Variants in TBXAS1 observed in about 807,000 individuals in gnomAD.
TBXAS1 encodes the protein thromboxane-A synthase.
Under a neutral mutation model 60.7 loss-of-function variants are expected in TBXAS1, and 48 were observed. The observed-to-expected ratio is 0.79, with a 90% CI of 0.63 to 1.01. TBXAS1 has a LOEUF of 1.01. Among genes scored for constraint, TBXAS1 ranks in the 50% least tolerant of loss-of-function variants. The pLI, the probability that TBXAS1 is intolerant of heterozygous loss-of-function variation, is 0.00. For synonymous variants in TBXAS1, 287 were observed against 269.7 expected (o/e 1.06, Z -0.63); for missense variants, 685 against 686.3 (o/e 1.00, Z 0.02).
intron 5 of TBXAS1, among the ~76,000 whole-genome samples, chr7:139,947,780 C>T (rs745307866): frequency 2.0e-5 from 3 of 152,160 alleles, no homozygotes; most frequent in Non-Finnish European, 1.5e-5. Flanking sequence ...GAAACTTTCT[C>T]CCCTAGCTTG....
At chr7:139,949,331 TA>T (rs1220615363) in intron 5 of TBXAS1, among the ~76,000 whole-genome samples, 1 of 152,258 alleles carries the variant, frequency 6.6e-6, no homozygotes, top group African/African-American at 2.4e-5. Flanking sequence ...TATATGTAGA[TA>T]GATAGACAGA....
At position 139,896,358 on chromosome 7, in the gene TBXAS1, C is replaced by T. The variant is rs761013978; in HGVS notation, c.237-14867C>T. On this transcript the variant is annotated intron_variant, in intron 3 of 12. Transcript: ENST00000448866. This position sits in a 1 kb window ranked among gnomAD's most constrained non-coding sequence, Gnocchi z 4.0. ...TTTTCCAAACTAACAAGAGGGCAGCCGGCACTTTAGAGGGTAAATACTTGC... is the reference window on the plus strand; with the variant it reads ...TTTTCCAAACTAACAAGAGGGCAGCTGGCACTTTAGAGGGTAAATACTTGC... Among the ~76,000 whole-genome samples the T allele has an allele frequency of 3.3e-5, 5 of 152,070 alleles. No homozygotes were observed. The highest frequency in any genetic ancestry group is 1.3e-4 in the Admixed American group (2 of 15,266).
chr7:139,992,159 C>A (rs1380873159), intron 9 of TBXAS1, among the ~76,000 whole-genome samples: 1 of 152,236 alleles, frequency 6.6e-6, no homozygotes, highest in African/African-American at 2.4e-5. Flanking sequence ...GGCCAGCTGG[C>A]AGCCCCCCTT....
At chr7:139,805,774 C>CT (rs1298695543) in intron 4 of TBXAS1, among the ~76,000 whole-genome samples, 54 of 114,918 alleles carry the variant, frequency 4.7e-4, no homozygotes, top group African/African-American at 6.4e-4. Flanking sequence ...TTTCTTTCTT[C>CT]TTTTTTTTTT....
chr7:139,833,944 C>A (rs1169218227), intron 1 of TBXAS1, among the ~76,000 whole-genome samples: 1 of 152,098 alleles, frequency 6.6e-6, no homozygotes, highest in Admixed American at 6.6e-5. Flanking sequence ...TTAAACTATA[C>A]CTTGGAACAA....
chr7:139,957,087 G>T (rs2117344808), intron 7 of TBXAS1, among the ~76,000 whole-genome samples: 1 of 152,364 alleles, frequency 6.6e-6, no homozygotes, highest in Non-Finnish European at 1.5e-5. Flanking sequence ...GGCCCATGCT[G>T]CACCCAGGGG....
rs371594766 is a variant in TBXAS1 at position 139,953,394 on chromosome 7, C to A, written c.477C>A (p.Cys159Ter). 3.7e-6 allele frequency: 6 copies of A among 1,614,110 alleles called. No individual in the cohort carries two copies. Among genetic ancestry groups the A allele is most frequent in the South Asian group, 1.1e-5 (1 of 91,082 alleles). Residue 159 changes from cysteine (C) to a stop codon, truncating the protein, a stop_gained, in exon 6 of 13, where the codon TGC becomes TGA. Transcript: ENST00000448866. LOFTEE classifies it high-confidence loss of function. ...NEMVPLISQA[C>*]DLLLAHLKRY... ...TGGTTCCCCTCATCAGCCAAGCCTG[C>A]GACCTTCTCCTGGCTCATTTAAAAC...
chr7:139,960,583 T>C (rs528880894), intron 8 of TBXAS1, among the ~76,000 whole-genome samples: 13 of 152,160 alleles, frequency 8.5e-5, no homozygotes, highest in Admixed American at 7.9e-4. Flanking sequence ...CCGCCTCTAC[T>C]AAAGATACAA....
At chr7:139,993,845 GA>G (rs1378619522) in intron 9 of TBXAS1, among the ~76,000 whole-genome samples, 5 of 151,156 alleles carry the variant, frequency 3.3e-5, no homozygotes, top group African/African-American at 1.2e-4. Flanking sequence ...TGGGAGGGTT[GA>G]ACTGCTCTTT....
At chr7:139,996,484 G>T (rs1813303506) in intron 9 of TBXAS1, among the ~76,000 whole-genome samples, 1 of 152,164 alleles carries the variant, frequency 6.6e-6, no homozygotes, top group Admixed American at 6.5e-5. Context: ...GCTGCTCACG[G>T]TCTCACCCAG....
At chr7:139,919,015 A>G (rs1287533650) in intron 4 of TBXAS1, among the ~76,000 whole-genome samples, 3 of 151,950 alleles carry the variant, frequency 2.0e-5, no homozygotes, top group Non-Finnish European at 2.9e-5. Flanking sequence ...AGTAAAAGGG[A>G]CACCTTTACT....
Position 140,017,819 on chromosome 7 carries a change from T to C in TBXAS1, c.1513T>C (p.Cys505Arg). 4 of 1,613,672 alleles carry C rather than the reference T, an allele frequency of 2.5e-6. No homozygotes were observed. Among genetic ancestry groups the C allele is most frequent in the Non-Finnish European group, 3.4e-6 (4 of 1,179,758 alleles). The change falls in exon 12 of 13, where the codon TGC (cysteine) becomes CGC (arginine). Residue 505 changes from cysteine (C) to arginine (R), a missense_variant. Cys to Arg is a radical substitution (Grantham distance 180, BLOSUM62 -3). Coordinates refer to ENST00000448866, the MANE Select transcript of TBXAS1 (RefSeq NM_001061.7). Reference protein sequence around the residue: ...HVLHKFRFQACPETQVPLQLE... With the variant: ...HVLHKFRFQARPETQVPLQLE... ...GCTGCACAAGTTCCGGTTCCAAGCC[T>C]GCCCTGAGACCCAGGTGAGGCCCCC...
intron 4 of TBXAS1, among the ~76,000 whole-genome samples, chr7:139,809,774 C>A (rs530367548): frequency 5.9e-5 from 9 of 152,228 alleles, no homozygotes; most frequent in South Asian, 4.1e-4. Flanking sequence ...TATCCAGGTC[C>A]AAAGCTGAAT....
At chr7:139,822,087 A>G (rs1259609189) in intron 4 of TBXAS1, among the ~76,000 whole-genome samples, 2 of 152,204 alleles carry the variant, frequency 1.3e-5, no homozygotes, top group Non-Finnish European at 2.9e-5. Context: ...ACCACTTCAC[A>G]AATGAGAAAC....
At chr7:139,927,160 ATTT>A (rs58381325) in intron 4 of TBXAS1, among the ~76,000 whole-genome samples, 1 of 129,646 alleles carries the variant, frequency 7.7e-6, no homozygotes, top group Admixed American at 7.8e-5. Flanking sequence ...ACGCCCGGCT[ATTT>A]TTTTTTTTTT....
intron 3 of TBXAS1, among the ~76,000 whole-genome samples, chr7:139,880,748 T>C (rs1802632115): frequency 1.3e-5 from 2 of 152,222 alleles, no homozygotes; most frequent in Admixed American, 6.5e-5. Context: ...TCTCTTACTT[T>C]TACAAACACC....
chr7:140,020,000 A>T, intron 12 of TBXAS1, 25 bp from the exon 13 acceptor site: 1 of 1,610,488 alleles, frequency 6.2e-7, no homozygotes, highest in Non-Finnish European at 8.5e-7. Context: ...CTCTTTGACA[A>T]ATATTTTAAT....
chr7:140,009,948 G>A (rs1223701178), intron 10 of TBXAS1, among the ~76,000 whole-genome samples: 2 of 13,234 alleles, frequency 1.5e-4, no homozygotes, highest in African/African-American at 8.9e-4. Flanking sequence ...CCCCGCACCT[G>A]CCCCACACCT....
rs1809350318 is a variant in TBXAS1 at position 139,951,898 on chromosome 7, G to GA, written c.451-1470_451-1469insA. Among the ~76,000 whole-genome samples, 10 of 22,826 alleles carry GA rather than the reference G, an allele frequency of 4.4e-4. 2 individuals are homozygous for GA. Among genetic ancestry groups the GA allele is most frequent in the African/African-American group, 1.5e-3 (9 of 6,122 alleles). The allele number at this position is 22,826 out of a possible 152,430, so 15.0% of individuals were successfully genotyped here. ...AGGAAGGAAAGAAGGAAGGAAGGAAGGAAAGAAAGAGAAAGAAAGAGAGAA... is the reference window on the plus strand; with the variant it reads ...AGGAAGGAAAGAAGGAAGGAAGGAAGAGAAAGAAAGAGAAAGAAAGAGAGAA... On this transcript the variant is annotated intron_variant, in intron 5 of 12. Coordinates refer to ENST00000448866, the MANE Select transcript of TBXAS1 (RefSeq NM_001061.7).
Sources: gnomAD v4.1 joint callset for allele counts (sites outside exome capture counted in the v4.1 genomes callset) on GRCh38, gnomAD v4.1.1 for gene constraint, Gnocchi (gnomAD v3.1) non-coding constraint, MANE v1.5 for transcripts, NCBI Gene and HGNC (gene_info 2026-07-23, HGNC 2026-07-21) for gene names.